The following IKZF4 variants were observed in gnomAD, a reference collection of about 807,000 sequenced individuals.
IKZF4 encodes IKAROS family zinc finger 4, also known as zinc finger protein Eos.
In IKZF4, 11 loss-of-function variants were observed where a neutral mutation model predicts 47.7. The observed-to-expected ratio is 0.23, with a 90% CI of 0.15 to 0.38. The LOEUF is 0.38. Ranked by LOEUF, IKZF4 falls within the 10% of genes least tolerant of loss-of-function variation. The pLI, the probability that IKZF4 is intolerant of heterozygous loss-of-function variation, is 1.00. For missense variants in IKZF4, 557 were observed against 784.9 expected (o/e 0.71, Z 3.47); for synonymous variants, 298 against 299.4 (o/e 1.00, Z 0.05).
chr12:56,035,118 A>C lies in IKZF4; in HGVS notation c.1545A>C (p.Glu515Asp). Residue 515 changes from glutamate to aspartate, a missense_variant, in exon 8 of 8, where the codon GAA becomes GAC. By Grantham distance (45) the Glu-to-Asp change is conservative. Coordinates refer to ENST00000547167, the MANE Select transcript of IKZF4 (RefSeq NM_022465.4). The surrounding 1 kb of genome is among the most constrained non-coding windows in gnomAD (Gnocchi z 6.1). ...GGGGCACCCCAGGCCCCTCCAAGGA[A>C]GTGCTTCGGGTGGTGGGCGAGAGTG... ...LLRGTPGPSK[E>D]VLRVVGESGE... 6.2e-7 allele frequency: 1 copy of C among 1,613,094 alleles called. No homozygotes were observed. Among genetic ancestry groups the C allele is most frequent in the Non-Finnish European group, 8.5e-7 (1 of 1,179,370 alleles).
chr12:56,020,687 G>T (rs1046511802), upstream of IKZF4, among the ~76,000 whole-genome samples: 2 of 152,124 alleles, frequency 1.3e-5, no homozygotes, highest in African/African-American at 4.8e-5. Flanking sequence ...GGCACAGGAA[G>T]GGGGGGAAAT....
At chr12:56,034,536 C>A in intron 7 of IKZF4, 35 bp from the exon 8 acceptor site, 1 of 1,551,834 alleles carries the variant, frequency 6.4e-7, no homozygotes, top group South Asian at 1.2e-5. Flanking sequence ...AGGAATTCTC[C>A]AAACCCAGCC....
chr12:56,035,466 A>AC lies in IKZF4; in HGVS notation c.*139dup. ...CCACCTGACCTCACACCTGACCCTG[A>AC]CCCCTCCTCACCTATTCTCTTCCTC... On this transcript the variant is annotated 3_prime_UTR_variant, in exon 8 of 8. Transcript: ENST00000547167. The surrounding 1 kb of genome is among the most constrained non-coding windows in gnomAD (Gnocchi z 6.1). 1 of 758,554 alleles carries AC rather than the reference A, an allele frequency of 1.3e-6. No individual in the cohort carries two copies. Among genetic ancestry groups the AC allele is most frequent in the Admixed American group, 2.5e-5 (1 of 40,116 alleles). 47.0% of individuals were successfully genotyped at this position (758,554 alleles called of 1,614,324 possible).
At position 56,037,399 on chromosome 12, in the gene IKZF4, C is replaced by G. The variant is rs1895713525; in HGVS notation, c.*2068C>G. On this transcript the variant is annotated 3_prime_UTR_variant, in exon 8 of 8. Coordinates refer to ENST00000547167, the MANE Select transcript of IKZF4 (RefSeq NM_022465.4). ...TCAACGGCACCCTGGGGTGCTAGCT[C>G]CTTTTTAGAATGTCAGCAGAGCTGA... 6.6e-6 allele frequency: 1 copy of G among 152,526 alleles called. No individual in the cohort carries two copies. Among genetic ancestry groups the G allele is most frequent in the Non-Finnish European group, 1.5e-5 (1 of 68,056 alleles). 9.4% of individuals were successfully genotyped at this position (152,526 alleles called of 1,614,324 possible).
At chr12:56,017,351 T>G (rs751314656), upstream of IKZF4, among the ~76,000 whole-genome samples, 12 of 151,878 alleles carry the variant, frequency 7.9e-5, no homozygotes, top group Admixed American at 6.6e-5. Context: ...GACTTATCAC[T>G]GAACCCTGAG....
At position 56,023,783 on chromosome 12, in the gene IKZF4, G is replaced by A. The variant is rs1379521332; in HGVS notation, c.181+19G>A. On this transcript the variant is annotated intron_variant, in intron 2 of 7. Coordinates refer to ENST00000547167, the MANE Select transcript of IKZF4 (RefSeq NM_022465.4). Reference sequence around the variant, plus strand: ...TGTGAAAGTAAGTATGTGCATAGCTGGGCAATTGGGTAAAGTACTAATAGG... The same window carrying A: ...TGTGAAAGTAAGTATGTGCATAGCTAGGCAATTGGGTAAAGTACTAATAGG... 1.2e-6 allele frequency: 2 copies of A among 1,610,616 alleles called. No homozygotes were observed. The highest frequency in any genetic ancestry group is 1.1e-5 in the South Asian group (1 of 90,506).
intron 1 of IKZF4, among the ~76,000 whole-genome samples, chr12:56,022,885 C>T (rs978174439): frequency 7.3e-5 from 11 of 151,240 alleles, no homozygotes; most frequent in African/African-American, 1.5e-4. Context: ...CTGCAAGCTC[C>T]GCCTCCCAGG....
chr12:56,032,224 C>T, intron 5 of IKZF4: 1 of 235,110 alleles, frequency 4.3e-6, no homozygotes, highest in Non-Finnish European at 8.3e-6. Context: ...TGCAGTGGGG[C>T]CTGCCTGTCT....
chr12:56,016,511 T>A (rs1477307104), upstream of IKZF4, among the ~76,000 whole-genome samples: 1 of 146,174 alleles, frequency 6.8e-6, no homozygotes, highest in South Asian at 2.4e-4. Context: ...AACCTCCACC[T>A]CCCAGGCTCA....
chr12:56,034,819 C>T lies in IKZF4; in HGVS notation c.1246C>T (p.Pro416Ser), dbSNP rs780351493. The change falls in exon 8 of 8, where the codon CCA becomes TCA. Residue 416 changes from proline to serine, a missense_variant. Physicochemically the swap from Pro to Ser is moderately conservative, Grantham distance 74. This residue lies in a region of IKZF4 where 280 missense variants were observed against 314.0 expected (regional missense o/e 0.89). Coordinates refer to ENST00000547167, the MANE Select transcript of IKZF4 (RefSeq NM_022465.4). ...GCCCCTCCCTGGTCGACTGGAGCTTCCAGGATCCCGAGAAGCAGGTGAGGG... is the reference window on the plus strand; with the variant it reads ...GCCCCTCCCTGGTCGACTGGAGCTTTCAGGATCCCGAGAAGCAGGTGAGGG... ...MQPLPGRLEL[P>S]GSREAGEGPE... 4 of 1,614,018 alleles carry T rather than the reference C, an allele frequency of 2.5e-6. 1 individual carries two copies. The South Asian group carries it at 4.4e-5, about 18-fold the overall frequency.
Position 56,021,294 on chromosome 12 carries a change from T to TCTCTCTCTCTCTCA in IKZF4, c.-199_-198insTCTCTCTCTCTCAC. On this transcript the variant is annotated 5_prime_UTR_variant, in exon 1 of 8. Coordinates refer to ENST00000547167, the MANE Select transcript of IKZF4 (RefSeq NM_022465.4). ...CTCTCCCTCTCTCTCTCTCTCTCTC[T>TCTCTCTCTCTCTCA]CACACACACACACACACACACACTC... The TCTCTCTCTCTCTCA allele has an allele frequency of 8.8e-7, 1 of 1,140,138 alleles. No individual in the cohort carries two copies. Among genetic ancestry groups the TCTCTCTCTCTCTCA allele is most frequent in the Non-Finnish European group, 1.2e-6 (1 of 838,368 alleles). The allele number at this position is 1,140,138 out of a possible 1,614,324, so 70.6% of individuals were successfully genotyped here.
intron 2 of IKZF4, among the ~76,000 whole-genome samples, chr12:56,014,898 G>A (rs1386569570): frequency 2.6e-5 from 4 of 152,190 alleles, no homozygotes; most frequent in Non-Finnish European, 5.9e-5. Flanking sequence ...AGAGAGGCAG[G>A]CAACTTGTGT....
At chr12:56,009,365 C>T (rs1891082801) in intron 1 of IKZF4, among the ~76,000 whole-genome samples, 1 of 152,218 alleles carries the variant, frequency 6.6e-6, no homozygotes, top group Non-Finnish European at 1.5e-5. Flanking sequence ...CCAAATCAGA[C>T]AATCTTTGAA....
At chr12:56,010,266 T>A (rs1891181321) in intron 1 of IKZF4, 1 of 152,196 alleles carries the variant, frequency 6.6e-6, no homozygotes, top group Non-Finnish European at 1.5e-5. Context: ...AGTTATGGAC[T>A]CTGTTCTGGA....
chr12:56,026,928 A>T lies in IKZF4; in HGVS notation c.434A>T (p.Glu145Val). ...PLGYCDGSGP[E>V]PHSPGGIRLP... ...GGCTACTGTGATGGGAGTGGGCCAG[A>T]GCCTCACTCCCCTGGGGGCATCCGG... is the stretch of plus-strand genomic sequence containing the variant. Residue 145 changes from glutamate to valine, a missense_variant, in exon 4 of 8, where the codon GAG becomes GTG. Around this residue, in one of 6 missense-constraint regions of IKZF4, gnomAD observed 112 missense variants for 168.2 expected, o/e 0.67. Transcript: ENST00000547167. The T allele has an allele frequency of 3.1e-6, 5 of 1,612,770 alleles. No homozygotes were observed. The highest frequency in any genetic ancestry group is 4.2e-6 in the Non-Finnish European group (5 of 1,179,396).
At chr12:56,023,577 G>A (rs935563377) in intron 1 of IKZF4, 94 bp from the exon 2 acceptor site, 39 of 1,407,398 alleles carry the variant, frequency 2.8e-5, no homozygotes, top group Non-Finnish European at 2.8e-5. Flanking sequence ...AGGCTTTGAC[G>A]GGATAGAATG....
At position 56,026,845 on chromosome 12, in the gene IKZF4, G is replaced by A. The variant is rs764960278; in HGVS notation, c.351G>A (p.Glu117=). The change falls in exon 4 of 8, where the codon GAG becomes GAA. Residue 117 remains glutamate (E), a synonymous_variant. Coordinates refer to ENST00000547167, the MANE Select transcript of IKZF4 (RefSeq NM_022465.4). Reference sequence around the variant, plus strand: ...CAAGCAGACTGCTGGGGCCAGATGAGCGGCTCCTGGAAAAGGACGACAGCG... The same window carrying A: ...CAAGCAGACTGCTGGGGCCAGATGAACGGCTCCTGGAAAAGGACGACAGCG... ...EESSRLLGPD[E]RLLEKDDSVI... is the part of the protein sequence containing the mutation. 5 of 1,612,338 alleles carry A rather than the reference G, an allele frequency of 3.1e-6. No individual in the cohort carries two copies. In the East Asian group the frequency reaches 6.7e-5, roughly 22 times the overall value.
At chr12:56,019,853 A>G (rs560865799), upstream of IKZF4, among the ~76,000 whole-genome samples, 1 of 152,378 alleles carries the variant, frequency 6.6e-6, no homozygotes, top group East Asian at 1.9e-4. Context: ...CATGTCCTAG[A>G]TAAGAAGTGG....
In IKZF4 at chr12:56,021,327, A is replaced by G; in HGVS notation, c.-167A>G. On this transcript the variant is annotated 5_prime_UTR_variant, in exon 1 of 8. Coordinates refer to ENST00000547167, the MANE Select transcript of IKZF4 (RefSeq NM_022465.4). ...ACACACACACACACACTCAACACAC[A>G]TACACCCTGGGCTGAGCTGCTCTTG... 6.5e-7 allele frequency: 1 copy of G among 1,534,162 alleles called. No homozygotes were observed.
Sources: gnomAD v4.1 joint callset for allele counts (sites outside exome capture counted in the v4.1 genomes callset) on GRCh38, gnomAD v4.1.1 for gene constraint, gnomAD v4.1.1 regional missense constraint, Gnocchi (gnomAD v3.1) non-coding constraint, MANE v1.5 for transcripts, NCBI Gene and HGNC (gene_info 2026-07-23, HGNC 2026-07-21) for gene names.